Variants in CATSPERE observed in about 807,000 individuals in gnomAD.
CATSPERE encodes cation channel sperm-associated auxiliary subunit epsilon.
In CATSPERE, 93 loss-of-function variants were observed where a neutral mutation model predicts 114.1. That is an observed-to-expected ratio of 0.81 (90% CI 0.69 to 0.97). The LOEUF (loss-of-function observed/expected upper bound fraction) is 0.97. Ranked by LOEUF, CATSPERE falls within the 50% of genes least tolerant of loss-of-function variation. CATSPERE has a pLI of 0.00. For synonymous variants in CATSPERE, 341 were observed against 384.1 expected (o/e 0.89, Z 1.31); for missense variants, 1,058 against 1,131.6 (o/e 0.93, Z 0.93).
chr1:244,521,073 G>A (rs1677463602), intron 8 of CATSPERE, among the ~76,000 whole-genome samples: 1 of 152,138 alleles, frequency 6.6e-6, no homozygotes, highest in Non-Finnish European at 1.5e-5. Context: ...TTAGCAATAG[G>A]CCAGGCATAG....
chr1:244,516,191 AAAT>A (rs146704402), intron 7 of CATSPERE, among the ~76,000 whole-genome samples: 8,595 of 150,100 alleles, frequency 0.057, 577 homozygotes, highest in African/African-American at 0.17. Context: ...ACCTTGTCTC[AAAT>A]AATAATAATA....
intron 9 of CATSPERE, among the ~76,000 whole-genome samples, chr1:244,558,399 A>T (rs1662014880): frequency 6.6e-6 from 1 of 151,654 alleles, no homozygotes; most frequent in East Asian, 1.9e-4. Flanking sequence ...TTTATTCTTG[A>T]TTTTTGTTTT....
At chr1:244,490,290 A>AT (rs1671813630) in intron 5 of CATSPERE, among the ~76,000 whole-genome samples, 157 bp from the exon 6 acceptor site, 1 of 152,276 alleles carries the variant, frequency 6.6e-6, no homozygotes, top group South Asian at 2.1e-4. Context: ...TAGACATGTG[A>AT]TTTTTTGTTT....
At chr1:244,545,147 G>C (rs1558469175) in intron 8 of CATSPERE, among the ~76,000 whole-genome samples, 1 of 152,204 alleles carries the variant, frequency 6.6e-6, no homozygotes, top group Non-Finnish European at 1.5e-5. Flanking sequence ...ACAAGCTAAA[G>C]AGTGAAGAAA....
intron 12 of CATSPERE, among the ~76,000 whole-genome samples, chr1:244,583,006 G>A (rs535795222): frequency 9.4e-4 from 66 of 70,346 alleles, no homozygotes; most frequent in African/African-American, 2.9e-3. Flanking sequence ...ATCAGGAAGA[G>A]TAGGGAGAAA....
intron 8 of CATSPERE, among the ~76,000 whole-genome samples, chr1:244,527,563 G>T (rs1026096112): frequency 1.3e-5 from 2 of 152,034 alleles, no homozygotes; most frequent in South Asian, 2.1e-4. Flanking sequence ...ACAGGGTCCC[G>T]AGGCAACATA....
intron 10 of CATSPERE, among the ~76,000 whole-genome samples, chr1:244,569,333 G>T (rs532859252): frequency 6.6e-6 from 1 of 152,218 alleles, no homozygotes. Context: ...CGCCTTCTGC[G>T]TTGATCTCGC....
chr1:244,469,470 T>C (rs1010362269), intron 2 of CATSPERE, among the ~76,000 whole-genome samples: 13 of 152,164 alleles, frequency 8.5e-5, no homozygotes, highest in African/African-American at 3.1e-4. Context: ...CTTTCATCCA[T>C]ACATATTTCA....
At chr1:244,577,913 T>C (rs1368766363) in intron 11 of CATSPERE, among the ~76,000 whole-genome samples, 2 of 152,202 alleles carry the variant, frequency 1.3e-5, no homozygotes, top group Non-Finnish European at 2.9e-5. Flanking sequence ...ACATAGTTGT[T>C]TGATATATGA....
intron 2 of CATSPERE, among the ~76,000 whole-genome samples, chr1:244,469,929 T>G (rs1464114726): frequency 6.6e-6 from 1 of 152,164 alleles, no homozygotes; most frequent in Non-Finnish European, 1.5e-5. Flanking sequence ...AGTCAGTTGA[T>G]TTTTGATAAT....
chr1:244,473,826 C>A (rs976163856), intron 2 of CATSPERE, among the ~76,000 whole-genome samples: 1 of 152,004 alleles, frequency 6.6e-6, no homozygotes, highest in African/African-American at 2.4e-5. Context: ...TCTTTGGTCT[C>A]AATTCTCATA....
rs569245434 is a variant in CATSPERE at position 244,620,762 on chromosome 1, C to T, written c.2648+3076C>T. ...GGGGATTATTTATAGGCCAGGAATT[C>T]CGAAAAAGTACAGATTCATTAGATC... On this transcript the variant is annotated intron_variant, in intron 20 of 21. Coordinates refer to ENST00000366534, the MANE Select transcript of CATSPERE (RefSeq NM_001130957.2). 2.0e-5 allele frequency among the ~76,000 whole-genome samples: 3 copies of T among 151,592 alleles called. No individual in the cohort carries two copies. The East Asian group carries it at 5.8e-4, about 29-fold the overall frequency.
At chr1:244,535,465 A>G (rs1169098235) in intron 8 of CATSPERE, among the ~76,000 whole-genome samples, 3 of 152,174 alleles carry the variant, frequency 2.0e-5, no homozygotes, top group Non-Finnish European at 4.4e-5. Context: ...CTGGCACTCA[A>G]ACCACAAGAC....
intron 5 of CATSPERE, among the ~76,000 whole-genome samples, chr1:244,480,632 G>GCCT (rs779298286): frequency 6.6e-6 from 1 of 151,506 alleles, no homozygotes; most frequent in East Asian, 1.9e-4. Flanking sequence ...AGTAAAGCAT[G>GCCT]GTTGTTGCTG....
At chr1:244,625,402 T>TATATA (rs1553391554) in intron 20 of CATSPERE, among the ~76,000 whole-genome samples, 4 of 45,960 alleles carry the variant, frequency 8.7e-5, no homozygotes, top group African/African-American at 1.9e-4. Context: ...ATTATTATTA[T>TATATA]TATTTATATA....
chr1:244,549,298 G>A (rs1028006963), intron 8 of CATSPERE, among the ~76,000 whole-genome samples: 5 of 152,062 alleles, frequency 3.3e-5, no homozygotes, highest in Non-Finnish European at 1.5e-5. Context: ...ATACACAATG[G>A]GTAGCAGAGG....
upstream of CATSPERE, among the ~76,000 whole-genome samples, chr1:244,457,743 C>G (rs1427306281): frequency 6.6e-6 from 1 of 152,128 alleles, no homozygotes; most frequent in African/African-American, 2.4e-5. Flanking sequence ...AATTATGTCT[C>G]TTTCTAACTT....
chr1:244,572,228 T>G, intron 10 of CATSPERE, 102 bp from the exon 11 acceptor site: 1 of 655,898 alleles, frequency 1.5e-6, no homozygotes, highest in South Asian at 2.0e-5. Context: ...ATGAAAATAC[T>G]CGGTCATTAT....
chr1:244,521,442 TATC>T (rs1378016813), intron 8 of CATSPERE, among the ~76,000 whole-genome samples: 6 of 152,192 alleles, frequency 3.9e-5, no homozygotes, highest in African/African-American at 1.2e-4. Context: ...GCAAGTTCAG[TATC>T]ATATTTTTAA....
Sources: gnomAD v4.1 joint callset for allele counts (sites outside exome capture counted in the v4.1 genomes callset) on GRCh38, gnomAD v4.1.1 for gene constraint, MANE v1.5 for transcripts, NCBI Gene and HGNC (gene_info 2026-07-23, HGNC 2026-07-21) for gene names.